The following UNC5C variants were observed in gnomAD, a reference collection of about 807,000 sequenced individuals.
UNC5C encodes the protein netrin receptor UNC5C.
UNC5C carries 47 observed loss-of-function variants against 99.8 expected under a neutral mutation model. The ratio of observed to expected loss-of-function variants is 0.47; its 90% CI spans 0.37 to 0.60. UNC5C has a LOEUF of 0.60. Ranked by LOEUF, UNC5C falls within the 20% of genes least tolerant of loss-of-function variation. UNC5C has a pLI of 0.00. For missense variants in UNC5C, 1,062 were observed against 1,165.9 expected (o/e 0.91, Z 1.30); for synonymous variants, 487 against 452.2 (o/e 1.08, Z -0.98).
intron 2 of UNC5C, among the ~76,000 whole-genome samples, chr4:95,302,795 G>T (rs553890711): frequency 6.6e-6 from 1 of 152,336 alleles, no homozygotes; most frequent in South Asian, 2.1e-4. Flanking sequence ...TTATGTAAAA[G>T]ATAATGTATC....
chr4:95,255,903 G>A (rs1398520574), intron 4 of UNC5C, among the ~76,000 whole-genome samples: 1 of 151,882 alleles, frequency 6.6e-6, no homozygotes, highest in African/African-American at 2.4e-5. Flanking sequence ...ATTCCCCACT[G>A]AGCCCGCTCT....
intron 7 of UNC5C, among the ~76,000 whole-genome samples, chr4:95,230,813 C>T (rs1372694982): frequency 6.6e-6 from 1 of 151,762 alleles, no homozygotes. Context: ...TTGGCTCCAG[C>T]ACTCATCTGT....
intron 14 of UNC5C, among the ~76,000 whole-genome samples, chr4:95,172,917 G>A (rs1415248301): frequency 6.6e-6 from 1 of 152,150 alleles, no homozygotes; most frequent in South Asian, 2.1e-4. Context: ...TTATTTCCTT[G>A]AGCAGTGGTT....
At chr4:95,445,276 G>T (rs3926529) in intron 1 of UNC5C, among the ~76,000 whole-genome samples, 9,009 of 151,580 alleles carry the variant, frequency 0.059, 339 homozygotes, top group African/African-American at 0.1. Flanking sequence ...TTTTTCTCCT[G>T]AATTTCATCT....
intron 1 of UNC5C, among the ~76,000 whole-genome samples, chr4:95,469,807 C>G (rs1427488528): frequency 6.6e-6 from 1 of 152,082 alleles, no homozygotes; most frequent in East Asian, 1.9e-4. Flanking sequence ...AGAAAATAAA[C>G]ATGTGGGAAC....
chr4:95,327,047 T>C (rs1742915458), intron 2 of UNC5C, among the ~76,000 whole-genome samples: 1 of 152,322 alleles, frequency 6.6e-6, no homozygotes, highest in East Asian at 1.9e-4. Context: ...AAAATTTACC[T>C]GATTTGAAAT....
At chr4:95,230,290 G>T (rs576535346) in intron 7 of UNC5C, among the ~76,000 whole-genome samples, 1 of 152,090 alleles carries the variant, frequency 6.6e-6, no homozygotes, top group African/African-American at 2.4e-5. Context: ...TTTTGATGGG[G>T]TTGTTTTTTT....
intron 1 of UNC5C, among the ~76,000 whole-genome samples, chr4:95,366,518 A>C (rs1744577100): frequency 6.6e-6 from 1 of 152,276 alleles, no homozygotes; most frequent in South Asian, 2.1e-4. Context: ...TGTTTTGAGA[A>C]ATTGCTTCAC....
chr4:95,441,811 T>C (rs531853137), intron 1 of UNC5C, among the ~76,000 whole-genome samples: 159 of 152,310 alleles, frequency 1.0e-3, no homozygotes, highest in Middle Eastern at 6.8e-3. Flanking sequence ...ATCTAGTGAA[T>C]GGTACAGTCA....
chr4:95,512,341 C>T (rs981179607), intron 1 of UNC5C, among the ~76,000 whole-genome samples: 8 of 152,136 alleles, frequency 5.3e-5, no homozygotes, highest in Non-Finnish European at 1.0e-4. Flanking sequence ...TATTCTTAGG[C>T]TTACAGATCA....
At chr4:95,444,221 T>A (rs1332375771) in intron 1 of UNC5C, among the ~76,000 whole-genome samples, 1 of 152,186 alleles carries the variant, frequency 6.6e-6, no homozygotes, top group Non-Finnish European at 1.5e-5. Flanking sequence ...TCTTTCTCCT[T>A]TATTCACCAT....
rs746662798 is a variant in UNC5C at position 95,548,895 on chromosome 4, A to G, written c.-38T>C. 2 of 1,609,084 alleles carry G rather than the reference A, an allele frequency of 1.2e-6. No individual in the cohort carries two copies. The highest frequency in any genetic ancestry group is 1.7e-6 in the Non-Finnish European group (2 of 1,178,112). Reference sequence around the variant, plus strand: ...TGTGCCGGGGGGAGGGGAGGGGGACAGAGAGACGCGCAAACAGCTGAAAGC... The same window carrying G: ...TGTGCCGGGGGGAGGGGAGGGGGACGGAGAGACGCGCAAACAGCTGAAAGC... On this transcript the variant is annotated 5_prime_UTR_variant, in exon 1 of 16. Transcript: ENST00000453304.
rs7661239 is a variant in UNC5C, at chr4:95,468,762, C to T, written c.124+79972G>A. ...GACACCTGATCTAGAGACTGAATTA[C>T]AGATGTTGTGTTTGGGGGCAAGTTG... On this transcript the variant is annotated intron_variant, in intron 1 of 15. Transcript: ENST00000453304. 5.6e-3 allele frequency among the ~76,000 whole-genome samples: 855 copies of T among 152,236 alleles called. 7 individuals are homozygous for T. Among genetic ancestry groups the T allele is most frequent in the African/African-American group, 0.019 (789 of 41,546 alleles).
intron 1 of UNC5C, among the ~76,000 whole-genome samples, chr4:95,365,133 A>G (rs1744514819): frequency 6.6e-6 from 1 of 151,014 alleles, no homozygotes; most frequent in Non-Finnish European, 1.5e-5. Context: ...TGTCTCTACT[A>G]AAAATACAAG....
At chr4:95,297,564 T>A (rs1222024641) in intron 3 of UNC5C, among the ~76,000 whole-genome samples, 1 of 152,170 alleles carries the variant, frequency 6.6e-6, no homozygotes. Flanking sequence ...TACGAGTGAA[T>A]ATAATTGAAA....
intron 7 of UNC5C, among the ~76,000 whole-genome samples, chr4:95,230,802 A>G (rs554862952): frequency 6.6e-6 from 1 of 151,682 alleles, no homozygotes; most frequent in East Asian, 1.9e-4. Flanking sequence ...GCCTTCACAC[A>G]TTGGCTCCAG....
intron 3 of UNC5C, among the ~76,000 whole-genome samples, chr4:95,297,118 G>C (rs569658940): frequency 1.3e-5 from 2 of 152,154 alleles, no homozygotes; most frequent in African/African-American, 4.8e-5. Flanking sequence ...CAGCCTCAGG[G>C]TGCTATAACT....
At chr4:95,310,603 T>C (rs1033731133) in intron 2 of UNC5C, among the ~76,000 whole-genome samples, 2 of 152,188 alleles carry the variant, frequency 1.3e-5, no homozygotes, top group Non-Finnish European at 2.9e-5. Context: ...AAAAGTTAAA[T>C]AATTTATATG....
chr4:95,354,479 A>ATTTTTT (rs1553965987), intron 1 of UNC5C, among the ~76,000 whole-genome samples: 2 of 110,346 alleles, frequency 1.8e-5, no homozygotes, highest in African/African-American at 4.0e-5. Flanking sequence ...ATATATATAT[A>ATTTTTT]TTTTTTTTTT....
Sources: gnomAD v4.1 joint callset for allele counts (sites outside exome capture counted in the v4.1 genomes callset) on GRCh38, gnomAD v4.1.1 for gene constraint, MANE v1.5 for transcripts, NCBI Gene and HGNC (gene_info 2026-07-23, HGNC 2026-07-21) for gene names.